The following SYTL3 variants were observed in gnomAD, a reference collection of about 807,000 sequenced individuals.
SYTL3 encodes the protein synaptotagmin-like protein 3.
SYTL3 carries 88 observed loss-of-function variants against 82.1 expected under a neutral mutation model. The observed-to-expected ratio is 1.07, with a 90% CI of 0.90 to 1.28. The LOEUF (loss-of-function observed/expected upper bound fraction) is 1.28, where lower values mean the gene tolerates loss of function less well. Ranked by LOEUF, SYTL3 falls within the 50% of genes most tolerant of loss-of-function variation. SYTL3 has a pLI of 0.00. For synonymous variants in SYTL3, 311 were observed against 289.4 expected, an observed-to-expected ratio of 1.07 and a Z score of -0.76; for missense variants, 831 against 757.6, an observed-to-expected ratio of 1.10 and a Z score of -1.14.
chr6:158,648,548 G>A (rs1337129469), upstream of SYTL3, among the ~76,000 whole-genome samples: 2 of 147,792 alleles, frequency 1.4e-5, no homozygotes, highest in Admixed American at 6.8e-5. Context: ...CCGAGATCGC[G>A]CCACTGCAGT....
chr6:158,668,862 A>G, intron 5 of SYTL3, among the ~76,000 whole-genome samples: 1 of 152,174 alleles, frequency 6.6e-6, no homozygotes, highest in East Asian at 1.9e-4. Context: ...GCTGAACTGG[A>G]TCACGGGGCA....
intron 6 of SYTL3, among the ~76,000 whole-genome samples, chr6:158,704,315 C>T (rs1057083479): frequency 2.0e-5 from 3 of 152,240 alleles, no homozygotes; most frequent in Non-Finnish European, 4.4e-5. Flanking sequence ...CACAGTGCAA[C>T]GTTCCCTCTC....
intron 5 of SYTL3, among the ~76,000 whole-genome samples, chr6:158,679,243 GC>G (rs1778386668): frequency 6.6e-6 from 1 of 152,070 alleles, no homozygotes; most frequent in Non-Finnish European, 1.5e-5. Flanking sequence ...GGTGGTGCAT[GC>G]CTGTAATCCC....
chr6:158,725,804 GT>G, intron 11 of SYTL3, 167 bp downstream of exon 11: 2 of 982,460 alleles, frequency 2.0e-6, no homozygotes. Context: ...GCTTCCACAG[GT>G]TTTAGTAAAG....
At chr6:158,715,158 G>T (rs1783212705) in intron 9 of SYTL3, among the ~76,000 whole-genome samples, 1 of 152,022 alleles carries the variant, frequency 6.6e-6, no homozygotes, top group Non-Finnish European at 1.5e-5. Context: ...CCACCCCCTT[G>T]TATTTGTCAT....
chr6:158,658,534 A>G (rs778673661), intron 2 of SYTL3, among the ~76,000 whole-genome samples: 5 of 152,180 alleles, frequency 3.3e-5, no homozygotes, highest in African/African-American at 9.6e-5. Flanking sequence ...TTTCTGGTCA[A>G]TCTTGATGCT....
In SYTL3 at chr6:158,725,532, T is replaced by C. The variant is rs753793939; in HGVS notation, c.750T>C (p.Pro250=). The C allele has an allele frequency of 1.3e-5, 21 of 1,614,052 alleles. No homozygotes were observed. In the South Asian group the frequency reaches 2.3e-4, roughly 18 times the overall value. ...TCAGTGCACCAGATATTCTGAAACC[T>C]CTCAATCAAGAGGATCCCAAATGCT... ...RKVSAPDILK[P]LNQEDPKCST... Residue 250 remains proline, a synonymous_variant, in exon 11 of 18, where the codon CCT becomes CCC. Transcript: ENST00000611299.
In SYTL3 at chr6:158,732,313, C is replaced by T. The variant is rs138032571; in HGVS notation, c.855+6676C>T. On this transcript the variant is annotated intron_variant, in intron 11 of 17. Coordinates refer to ENST00000611299, the MANE Select transcript of SYTL3 (RefSeq NM_001242394.2). ...AAGCACAAGGACAAGACTGAAGTCT[C>T]TATAGTAAAGGTGAAAAACCTAAGG... 7.9e-4 allele frequency among the ~76,000 whole-genome samples: 120 copies of T among 152,282 alleles called. 1 individual carries two copies. Among genetic ancestry groups the T allele is most frequent in the African/African-American group, 2.7e-3 (112 of 41,552 alleles).
chr6:158,740,065 C>T (rs973713460), intron 11 of SYTL3, among the ~76,000 whole-genome samples: 6 of 134,542 alleles, frequency 4.5e-5, no homozygotes, highest in African/African-American at 1.1e-4. Flanking sequence ...GGTGTGATCT[C>T]GGCTCACTGC....
At chr6:158,647,190 A>C (rs966820641), upstream of SYTL3, among the ~76,000 whole-genome samples, 1 of 152,262 alleles carries the variant, frequency 6.6e-6, no homozygotes, top group African/African-American at 2.4e-5. Context: ...GATCACCAGC[A>C]TGCACATAAA....
At chr6:158,707,642 C>T (rs1782247807) in intron 7 of SYTL3, among the ~76,000 whole-genome samples, 3 of 152,182 alleles carry the variant, frequency 2.0e-5, no homozygotes, top group South Asian at 2.1e-4. Context: ...CCCTACCCAG[C>T]GCCTGGCGCG....
intron 10 of SYTL3, among the ~76,000 whole-genome samples, chr6:158,722,702 C>G (rs1219302941): frequency 6.7e-6 from 1 of 148,878 alleles, no homozygotes; most frequent in African/African-American, 2.5e-5. Flanking sequence ...TCAGGAGGGG[C>G]TATCTCTGGG....
intron 10 of SYTL3, among the ~76,000 whole-genome samples, chr6:158,720,394 G>C (rs1783958757): frequency 1.0e-5 from 1 of 97,376 alleles, no homozygotes; most frequent in Non-Finnish European, 1.9e-5. Flanking sequence ...TGACAAGAGT[G>C]AAACTTTGTC....
At chr6:158,741,647 T>C (rs115120518) in intron 11 of SYTL3, among the ~76,000 whole-genome samples, 1,970 of 152,326 alleles carry the variant, frequency 0.013, 50 homozygotes, top group African/African-American at 0.045. Context: ...GTCCAACCAC[T>C]AAGCTGGTCA....
At chr6:158,675,840 C>T (rs1258682687) in intron 5 of SYTL3, among the ~76,000 whole-genome samples, 1 of 152,176 alleles carries the variant, frequency 6.6e-6, no homozygotes, top group African/African-American at 2.4e-5. Flanking sequence ...GTCCCAGCTG[C>T]TCAGGAGGCT....
At chr6:158,670,649 G>A (rs941442990) in intron 5 of SYTL3, among the ~76,000 whole-genome samples, 1 of 152,004 alleles carries the variant, frequency 6.6e-6, no homozygotes, top group Admixed American at 6.6e-5. Flanking sequence ...CGGGCACAGT[G>A]GCAGGCGCCT....
chr6:158,688,069 C>T (rs907726635), intron 6 of SYTL3, among the ~76,000 whole-genome samples: 1 of 152,184 alleles, frequency 6.6e-6, no homozygotes, highest in African/African-American at 2.4e-5. Context: ...TACAATTCAA[C>T]TTGGCATAAA....
chr6:158,663,669 G>A (rs1241414394), intron 4 of SYTL3: 18 of 926,758 alleles, frequency 1.9e-5, no homozygotes, highest in African/African-American at 7.2e-5. Flanking sequence ...TGCCGACTTC[G>A]TGGGAATCAT....
At chr6:158,682,644 C>T (rs1455386515) in intron 5 of SYTL3, among the ~76,000 whole-genome samples, 1 of 152,204 alleles carries the variant, frequency 6.6e-6, no homozygotes, top group Non-Finnish European at 1.5e-5. Flanking sequence ...CAGGCATGAG[C>T]CACCACACCT....
Sources: allele counts gnomAD v4.1 joint callset (sites outside exome capture counted in the v4.1 genomes callset), GRCh38; gene constraint gnomAD v4.1.1; transcripts MANE v1.5; gene names NCBI Gene and HGNC (gene_info 2026-07-23, HGNC 2026-07-21).